The following DCC variants were observed in gnomAD, a reference collection of about 807,000 sequenced individuals.
The protein encoded by DCC is DCC netrin 1 receptor.
In DCC, 58 loss-of-function variants were observed where a neutral mutation model predicts 172.5. The ratio of observed to expected loss-of-function variants is 0.34; its 90% confidence interval spans 0.27 to 0.42. The LOEUF (loss-of-function observed/expected upper bound fraction) is 0.42, where lower values mean the gene tolerates loss of function less well. DCC is among the 10% of genes least tolerant of loss of function. The pLI is 1.00. For missense variants in DCC, 1,740 were observed against 1,791.0 expected, an observed-to-expected ratio of 0.97 and a Z score of 0.51; for synonymous variants, 709 against 644.5, an observed-to-expected ratio of 1.10 and a Z score of -1.52.
chr18:53,427,763 A>G (rs1457515889), intron 21 of DCC, among the ~76,000 whole-genome samples: 1 of 144,748 alleles, frequency 6.9e-6, no homozygotes, highest in Non-Finnish European at 1.5e-5. Flanking sequence ...AGAATGAGAA[A>G]TAGTAGAATT....
chr18:52,500,632 G>A (rs1044441845), intron 1 of DCC, among the ~76,000 whole-genome samples: 4 of 152,092 alleles, frequency 2.6e-5, no homozygotes, highest in African/African-American at 9.7e-5. Context: ...AACTTTAGAT[G>A]AATACAATTT....
At chr18:53,052,176 T>TAG (rs1393293588) in intron 5 of DCC, among the ~76,000 whole-genome samples, 3 of 152,090 alleles carry the variant, frequency 2.0e-5, no homozygotes, top group Non-Finnish European at 2.9e-5. Flanking sequence ...TTTTGGTCCT[T>TAG]GATTCATTTC....
At chr18:53,175,105 A>G (rs906366644) in intron 8 of DCC, among the ~76,000 whole-genome samples, 33 of 152,098 alleles carry the variant, frequency 2.2e-4, no homozygotes, top group African/African-American at 6.5e-4. Flanking sequence ...ATGCAGAAAA[A>G]GCCTTTGACA....
chr18:53,093,709 G>T (rs1458146207), intron 7 of DCC, among the ~76,000 whole-genome samples: 3 of 152,170 alleles, frequency 2.0e-5, no homozygotes, highest in African/African-American at 7.2e-5. Flanking sequence ...CATCACTGTT[G>T]CCAGCACAGG....
intron 7 of DCC, among the ~76,000 whole-genome samples, chr18:53,153,434 T>C (rs1010427787): frequency 6.6e-6 from 1 of 152,142 alleles, no homozygotes; most frequent in African/African-American, 2.4e-5. Flanking sequence ...CCACATTTAC[T>C]TCTGAACATG....
chr18:52,873,553 G>A lies in DCC; in HGVS notation c.413-32491G>A, dbSNP rs553998627. ...TTGAGTGGGTAGATAAACCACAAGAGGTTTGATCATTTGTCAATAGTTTTA... is the reference window on the plus strand; with the variant it reads ...TTGAGTGGGTAGATAAACCACAAGAAGTTTGATCATTTGTCAATAGTTTTA... On this transcript the variant is annotated intron_variant, in intron 2 of 28. Transcript: ENST00000442544. Among the ~76,000 whole-genome samples the A allele has an allele frequency of 2.6e-5, 4 of 152,206 alleles. No individual in the cohort carries two copies. In the South Asian group the frequency reaches 6.2e-4, roughly 24 times the overall value.
At chr18:53,208,978 G>A (rs537143645) in intron 11 of DCC, among the ~76,000 whole-genome samples, 19 of 152,228 alleles carry the variant, frequency 1.2e-4, no homozygotes, top group Middle Eastern at 3.4e-3. Context: ...TGATCCACCC[G>A]CCTTGGCCTC....
At chr18:53,483,120 T>C (rs2045856123) in intron 25 of DCC, among the ~76,000 whole-genome samples, 1 of 151,932 alleles carries the variant, frequency 6.6e-6, no homozygotes, top group South Asian at 2.1e-4. Context: ...TTATAACTTA[T>C]TTCTTTAAGG....
At chr18:53,222,665 C>T (rs530434133) in intron 12 of DCC, among the ~76,000 whole-genome samples, 95 of 146,236 alleles carry the variant, frequency 6.5e-4, no homozygotes, top group Middle Eastern at 3.5e-3. Flanking sequence ...AGATTACAGG[C>T]GTGAACCACC....
intron 1 of DCC, among the ~76,000 whole-genome samples, chr18:52,423,855 T>C (rs1274385809): frequency 1.3e-5 from 2 of 152,198 alleles, no homozygotes. Flanking sequence ...GATAACTTTT[T>C]GAAGATTAAT....
At chr18:52,964,336 T>G (rs927643747) in intron 5 of DCC, among the ~76,000 whole-genome samples, 3 of 152,168 alleles carry the variant, frequency 2.0e-5, no homozygotes, top group African/African-American at 7.2e-5. Flanking sequence ...AAGACTAACT[T>G]TTCAAATTGT....
intron 15 of DCC, among the ~76,000 whole-genome samples, chr18:53,357,980 A>G (rs1208750123): frequency 4.6e-5 from 7 of 152,180 alleles, no homozygotes; most frequent in Non-Finnish European, 1.0e-4. Context: ...TTCTGAGAAT[A>G]TAATTTTATT....
intron 7 of DCC, among the ~76,000 whole-genome samples, chr18:53,082,499 T>C (rs2042821018): frequency 6.6e-6 from 1 of 152,114 alleles, no homozygotes; most frequent in South Asian, 2.1e-4. Context: ...AGAAATATAA[T>C]ACTCCAGGGC....
intron 1 of DCC, among the ~76,000 whole-genome samples, chr18:52,409,946 C>G (rs1255110394): frequency 6.6e-6 from 1 of 152,104 alleles, no homozygotes; most frequent in African/African-American, 2.4e-5. Context: ...AGGGCACCCT[C>G]TGGTGGTTCT....
At chr18:52,490,842 G>A (rs767505630) in intron 1 of DCC, among the ~76,000 whole-genome samples, 5 of 152,082 alleles carry the variant, frequency 3.3e-5, no homozygotes, top group Non-Finnish European at 4.4e-5. Flanking sequence ...CAATGCTAAA[G>A]CTTACCTATG....
At chr18:52,777,164 C>T (rs2037449433) in intron 2 of DCC, among the ~76,000 whole-genome samples, 1 of 152,212 alleles carries the variant, frequency 6.6e-6, no homozygotes, top group East Asian at 1.9e-4. Flanking sequence ...TCGCTAGTCT[C>T]ATCTCAGTCC....
intron 14 of DCC, among the ~76,000 whole-genome samples, chr18:53,335,711 C>T (rs1198463320): frequency 6.6e-6 from 1 of 151,992 alleles, no homozygotes; most frequent in Non-Finnish European, 1.5e-5. Flanking sequence ...AAATTTGGGG[C>T]CTTGTATTAG....
intron 2 of DCC, among the ~76,000 whole-genome samples, chr18:52,883,827 T>A (rs1192657400): frequency 6.6e-6 from 1 of 152,024 alleles, no homozygotes; most frequent in Non-Finnish European, 1.5e-5. Flanking sequence ...TCATATTGCT[T>A]ATTAACATCT....
intron 2 of DCC, among the ~76,000 whole-genome samples, chr18:52,888,410 G>A (rs1024333904): frequency 1.6e-4 from 25 of 152,088 alleles, no homozygotes; most frequent in African/African-American, 6.0e-4. Flanking sequence ...GTTCAGCTTG[G>A]TGTGAATAAT....
Sources: allele counts gnomAD v4.1 joint callset (sites outside exome capture counted in the v4.1 genomes callset), GRCh38; gene constraint gnomAD v4.1.1; transcripts MANE v1.5; gene names NCBI Gene and HGNC (gene_info 2026-07-23, HGNC 2026-07-21).